The following SPAG16 variants were observed in gnomAD, a reference collection of about 807,000 sequenced individuals.
SPAG16 encodes sperm-associated antigen 16 protein.
In SPAG16, 86 loss-of-function variants were observed where a neutral mutation model predicts 80.4. That is an observed-to-expected ratio of 1.07 (90% CI 0.90 to 1.28). The LOEUF (loss-of-function observed/expected upper bound fraction) is 1.28. Among genes scored for constraint, SPAG16 ranks in the 50% most tolerant of loss-of-function variants. The pLI, the probability that SPAG16 is intolerant of heterozygous loss-of-function variation, is 0.00. For missense variants in SPAG16, 870 were observed against 765.3 expected (o/e 1.14, Z -1.61); for synonymous variants, 294 against 265.9 (o/e 1.11, Z -1.03).
chr2:214,268,765 G>A (rs1161437927), intron 15 of SPAG16, among the ~76,000 whole-genome samples: 1 of 151,880 alleles, frequency 6.6e-6, no homozygotes, highest in Admixed American at 6.6e-5. Context: ...GTGTGTGGGT[G>A]TGTATGTATG....
chr2:213,835,817 A>G (rs1332059462), intron 10 of SPAG16, among the ~76,000 whole-genome samples: 1 of 152,144 alleles, frequency 6.6e-6, no homozygotes, highest in African/African-American at 2.4e-5. Flanking sequence ...ATATTTTCCA[A>G]TTTGTACTTT....
At chr2:213,495,880 G>C (rs1261743337) in intron 10 of SPAG16, among the ~76,000 whole-genome samples, 5 of 152,296 alleles carry the variant, frequency 3.3e-5, no homozygotes, top group South Asian at 2.1e-4. Flanking sequence ...GTCCGGCATG[G>C]ACAGAATAAG....
intron 10 of SPAG16, among the ~76,000 whole-genome samples, chr2:213,608,853 T>C (rs939270687): frequency 6.6e-6 from 1 of 152,142 alleles, no homozygotes; most frequent in African/African-American, 2.4e-5. Context: ...CCAGCTAATT[T>C]TTTTGCATTT....
intron 9 of SPAG16, among the ~76,000 whole-genome samples, chr2:213,449,408 A>G (rs2071550955): frequency 6.6e-6 from 1 of 152,122 alleles, no homozygotes; most frequent in Non-Finnish European, 1.5e-5. Context: ...TCTTTGAAGC[A>G]TGTGATCTTT....
At chr2:214,148,269 T>C (rs1448214767) in intron 14 of SPAG16, among the ~76,000 whole-genome samples, 2 of 152,044 alleles carry the variant, frequency 1.3e-5, no homozygotes, top group African/African-American at 4.8e-5. Flanking sequence ...TGTCACAAAG[T>C]AGATGCTCAA....
At chr2:213,836,174 T>TCTC (rs759077619) in intron 10 of SPAG16, among the ~76,000 whole-genome samples, 2 of 84,272 alleles carry the variant, frequency 2.4e-5, no homozygotes, top group African/African-American at 7.8e-5. Context: ...TTTTCATTAT[T>TCTC]CGCCCCCCCC....
intron 3 of SPAG16, among the ~76,000 whole-genome samples, chr2:213,303,160 C>G (rs1253326372): frequency 1.3e-5 from 2 of 152,070 alleles, no homozygotes; most frequent in African/African-American, 4.8e-5. Flanking sequence ...ATCTTGTACT[C>G]TGCTAGTTTG....
intron 15 of SPAG16, among the ~76,000 whole-genome samples, chr2:214,350,972 T>A (rs1311581188): frequency 6.6e-6 from 1 of 152,084 alleles, no homozygotes; most frequent in Non-Finnish European, 1.5e-5. Context: ...GAAAATAGAA[T>A]TTGACCAGAT....
At chr2:213,649,400 G>A (rs2125140894) in intron 10 of SPAG16, among the ~76,000 whole-genome samples, 1 of 152,358 alleles carries the variant, frequency 6.6e-6, no homozygotes, top group South Asian at 2.1e-4. Flanking sequence ...TACTCACGCT[G>A]TCGCAATGTT....
intron 5 of SPAG16, among the ~76,000 whole-genome samples, chr2:213,331,075 A>T (rs1414706258): frequency 6.6e-6 from 1 of 152,186 alleles, no homozygotes; most frequent in Non-Finnish European, 1.5e-5. Flanking sequence ...AAATGGACTA[A>T]TACACCTCTC....
intron 13 of SPAG16, among the ~76,000 whole-genome samples, chr2:214,079,921 G>A (rs1395187468): frequency 3.9e-5 from 6 of 152,098 alleles, no homozygotes; most frequent in Admixed American, 3.9e-4. Context: ...AAGCCAAATA[G>A]GGTAGATGAA....
chr2:213,631,843 G>A (rs1574568623), intron 10 of SPAG16, among the ~76,000 whole-genome samples: 2 of 152,124 alleles, frequency 1.3e-5, no homozygotes, highest in Non-Finnish European at 2.9e-5. Context: ...ATGGGCCTAT[G>A]TGTGTGGTTT....
intron 5 of SPAG16, among the ~76,000 whole-genome samples, chr2:213,320,411 G>A (rs750881526): frequency 4.0e-5 from 6 of 151,806 alleles, no homozygotes; most frequent in Admixed American, 6.6e-5. Flanking sequence ...TGTGTGTGTT[G>A]GGAACATTTC....
chr2:213,819,354 C>G (rs2072784202), intron 10 of SPAG16, among the ~76,000 whole-genome samples: 1 of 152,172 alleles, frequency 6.6e-6, no homozygotes. Context: ...ATTCTAAGCT[C>G]AAAAGTGGCA....
At chr2:214,403,608 C>G (rs1197039863) in intron 15 of SPAG16, among the ~76,000 whole-genome samples, 1 of 152,060 alleles carries the variant, frequency 6.6e-6, no homozygotes, top group African/African-American at 2.4e-5. Flanking sequence ...ACACGTATAA[C>G]CTACCCCATA....
intron 9 of SPAG16, among the ~76,000 whole-genome samples, chr2:213,482,194 G>C (rs1391191729): frequency 6.6e-6 from 1 of 152,236 alleles, no homozygotes; most frequent in Admixed American, 6.5e-5. Flanking sequence ...CTGGATGGGA[G>C]TTCCTGCCCC....
At chr2:214,204,811 G>A (rs1381346471) in intron 15 of SPAG16, among the ~76,000 whole-genome samples, 1 of 152,150 alleles carries the variant, frequency 6.6e-6, no homozygotes, top group Non-Finnish European at 1.5e-5. Flanking sequence ...CAGCTCACCA[G>A]TAATGGATCG....
At chr2:213,395,172 A>G (rs969036302) in intron 9 of SPAG16, among the ~76,000 whole-genome samples, 1 of 152,020 alleles carries the variant, frequency 6.6e-6, no homozygotes, top group Non-Finnish European at 1.5e-5. Flanking sequence ...TTTTTTTCAA[A>G]CAACCAGCTT....
intron 10 of SPAG16, among the ~76,000 whole-genome samples, chr2:213,829,754 C>A (rs1191215210): frequency 6.6e-6 from 1 of 152,138 alleles, no homozygotes; most frequent in Admixed American, 6.5e-5. Flanking sequence ...CCCTTCAAGG[C>A]AGCAGGTTCC....
Sources: gnomAD v4.1 joint callset for allele counts (sites outside exome capture counted in the v4.1 genomes callset) on GRCh38, gnomAD v4.1.1 for gene constraint, MANE v1.5 for transcripts, NCBI Gene and HGNC (gene_info 2026-07-23, HGNC 2026-07-21) for gene names.